Variants in PTBP1 observed in about 807,000 individuals in gnomAD.
PTBP1 encodes polypyrimidine tract binding protein 1.
A neutral mutation model predicts 59.8 loss-of-function variants in PTBP1; 8 were observed. The observed-to-expected ratio is 0.13, with a 90% confidence interval of 0.08 to 0.24. The LOEUF is 0.24. PTBP1 is among the 10% of genes least tolerant of loss of function. The pLI is 1.00. For synonymous variants in PTBP1, 490 were observed against 320.7 expected (o/e 1.53, Z -5.64); for missense variants, 686 against 767.0 (o/e 0.89, Z 1.25).
At chr19:806,617 G>C (rs1030844741) in intron 10 of PTBP1, 61 bp downstream of exon 10, 17 of 1,417,386 alleles carry the variant, frequency 1.2e-5, no homozygotes, top group Non-Finnish European at 1.5e-5. Context: ...GGGATGTTGT[G>C]CTCGGGCTCG....
chr19:801,281 C>G (rs2034321589), intron 2 of PTBP1, among the ~76,000 whole-genome samples: 1 of 152,250 alleles, frequency 6.6e-6, no homozygotes, highest in South Asian at 2.1e-4. Context: ...CAGCTCGTGT[C>G]TCCTGGTTGC....
At chr19:801,387 T>G (rs963842511) in intron 2 of PTBP1, among the ~76,000 whole-genome samples, 7 of 152,206 alleles carry the variant, frequency 4.6e-5, no homozygotes, top group African/African-American at 1.7e-4. Flanking sequence ...TGGGCAGGCA[T>G]GGAGTTTGCT....
chr19:810,992 T>C lies in PTBP1; in HGVS notation c.*166T>C. On this transcript the variant is annotated 3_prime_UTR_variant, in exon 15 of 15. Coordinates refer to ENST00000356948, the MANE Select transcript of PTBP1 (RefSeq NM_002819.5). ...AAAAATTAAATCTAGTTCACCTTGC[T>C]CACCCTGCGGTGACAGGGACAGCTC... is the stretch of plus-strand genomic sequence containing the variant. 1.4e-6 allele frequency: 1 copy of C among 726,592 alleles called. No individual in the cohort carries two copies. The allele number at this position is 726,592 out of a possible 1,614,324, so 45.0% of individuals were successfully genotyped here.
chr19:803,961 TA>T (rs1399118411), intron 3 of PTBP1, 74 bp from the exon 4 acceptor site: 36 of 1,568,380 alleles, frequency 2.3e-5, no homozygotes, highest in Non-Finnish European at 3.0e-5. Flanking sequence ...GGCAGGGCTC[TA>T]GGGGGATAGC....
chr19:805,317 C>G, intron 8 of PTBP1, 130 bp downstream of exon 8: 1 of 1,230,902 alleles, frequency 8.1e-7, no homozygotes, highest in South Asian at 1.4e-5. Flanking sequence ...ACGGCCAGCA[C>G]AGCACGGTCC....
intron 2 of PTBP1, 32 bp downstream of exon 2, chr19:799,475 G>C (rs372960507): frequency 1.2e-6 from 2 of 1,611,840 alleles, no homozygotes; most frequent in African/African-American, 2.7e-5. Flanking sequence ...TCTCCGTGAC[G>C]CTCCTCTGAC....
At chr19:806,373 G>C in intron 9 of PTBP1, 35 bp from the exon 10 acceptor site, 2 of 1,573,694 alleles carry the variant, frequency 1.3e-6, no homozygotes, top group Non-Finnish European at 8.6e-7. Flanking sequence ...TGGAGTCGGG[G>C]GCGCCGCCGC....
chr19:808,253 C>T lies in PTBP1; in HGVS notation c.1154-107C>T. ...TCCGCAGTGGCCGATAAAGCAAACC[C>T]GGCCGGGCTGAGCCGGGCCTTGTGG... On this transcript the variant is annotated intron_variant, in intron 11 of 14. Transcript: ENST00000356948. This position sits in a 1 kb window ranked among gnomAD's most constrained non-coding sequence, Gnocchi z 4.7. The T allele has an allele frequency of 3.1e-6, 3 of 971,602 alleles. No homozygotes were observed. Among genetic ancestry groups the T allele is most frequent in the South Asian group, 1.5e-5 (1 of 68,106 alleles). 60.2% of individuals were successfully genotyped at this position (971,602 alleles called of 1,614,324 possible).
chr19:810,498 C>G (rs748600384), intron 13 of PTBP1, 45 bp from the exon 14 acceptor site: 2 of 1,566,680 alleles, frequency 1.3e-6, no homozygotes, highest in Non-Finnish European at 1.7e-6. Flanking sequence ...ACTGGGCGCC[C>G]CCACCCCCAC....
intron 2 of PTBP1, among the ~76,000 whole-genome samples, chr19:802,200 G>C (rs2034363692): frequency 6.6e-6 from 1 of 152,210 alleles, no homozygotes; most frequent in South Asian, 2.1e-4. Context: ...GCAGGTGCCG[G>C]AGTCTCCCGA....
At chr19:800,097 T>C (rs1022284170) in intron 2 of PTBP1, among the ~76,000 whole-genome samples, 1 of 92,082 alleles carries the variant, frequency 1.1e-5, no homozygotes, top group Non-Finnish European at 2.1e-5. Flanking sequence ...CAGCTAATTT[T>C]TGTATTTTTT....
chr19:804,672 C>T lies in PTBP1; in HGVS notation c.576C>T (p.Phe192=). 1 of 1,613,110 alleles carries T rather than the reference C, an allele frequency of 6.2e-7. No individual in the cohort carries two copies. The highest frequency in any genetic ancestry group is 8.5e-7 in the Non-Finnish European group (1 of 1,179,732). The change falls in exon 6 of 15, where the codon TTC becomes TTT. Residue 192 remains phenylalanine, a synonymous_variant. Transcript: ENST00000356948. ...TCAGGATCATCGTGGAGAACCTCTTCTACCCTGTGACCCTGGATGTGCTGC... is the reference window on the plus strand; with the variant it reads ...TCAGGATCATCGTGGAGAACCTCTTTTACCCTGTGACCCTGGATGTGCTGC... ...PVLRIIVENL[F]YPVTLDVLHQ...
Position 808,795 on chromosome 19 carries a change from G to T in PTBP1, c.1463+33G>T. 1 of 1,583,690 alleles carries T rather than the reference G, an allele frequency of 6.3e-7. No individual in the cohort carries two copies. Among genetic ancestry groups the T allele is most frequent in the Non-Finnish European group, 8.6e-7 (1 of 1,163,218 alleles). On this transcript the variant is annotated intron_variant, in intron 13 of 14. Transcript: ENST00000356948. The surrounding 1 kb of genome is among the most constrained non-coding windows in gnomAD (Gnocchi z 4.7). ...CTGGGCCGGGGGGCTCATGGGGCCG[G>T]GGGCGGGCAAGGGCTCTGCTTGGCT...
chr19:805,013 T>G lies in PTBP1; in HGVS notation c.718T>G (p.Ser240Ala). The G allele has an allele frequency of 6.2e-7, 1 of 1,613,458 alleles. No homozygotes were observed. The highest frequency in any genetic ancestry group is 8.5e-7 in the Non-Finnish European group (1 of 1,179,634). ...CGTCTCACGGTCCCTCTCCCCTCAG[T>G]CGCTGGACGGGCAGAACATCTACAA... ...DPVSAQHAKL[S>A]LDGQNIYNAC... is the part of the protein sequence containing the mutation. Residue 240 changes from serine to alanine, a missense_variant and splice_region_variant, in exon 8 of 15, where the codon TCG (serine) becomes GCG (alanine). Coordinates refer to ENST00000356948, the MANE Select transcript of PTBP1 (RefSeq NM_002819.5).
intron 2 of PTBP1, among the ~76,000 whole-genome samples, chr19:801,300 G>A (rs971140233): frequency 2.6e-5 from 4 of 152,240 alleles, no homozygotes; most frequent in Non-Finnish European, 5.9e-5. Context: ...GCTGCCCTGT[G>A]GAGCCTCGGA....
intron 2 of PTBP1, among the ~76,000 whole-genome samples, chr19:799,761 G>A (rs962965641): frequency 6.6e-6 from 1 of 152,198 alleles, no homozygotes; most frequent in Non-Finnish European, 1.5e-5. Context: ...GGCTGGAATC[G>A]TGCCGTTCAG....
Position 810,914 on chromosome 19 carries a change from A to G in PTBP1, c.*88A>G. On this transcript the variant is annotated 3_prime_UTR_variant, in exon 15 of 15. Coordinates refer to ENST00000356948, the MANE Select transcript of PTBP1 (RefSeq NM_002819.5). ...CTTTAAAAACAGCTGAAGTGACCTTAGCAGACCAGAGATTTTATTTTTTTA... is the reference window on the plus strand; with the variant it reads ...CTTTAAAAACAGCTGAAGTGACCTTGGCAGACCAGAGATTTTATTTTTTTA... The G allele has an allele frequency of 8.1e-7, 1 of 1,241,640 alleles. No individual in the cohort carries two copies. The highest frequency in any genetic ancestry group is 1.1e-6 in the Non-Finnish European group (1 of 924,414). The allele number at this position is 1,241,640 out of a possible 1,614,324, so 76.9% of individuals were successfully genotyped here. A position where few individuals can be genotyped will look rare whatever the true frequency, so the allele number is the denominator to read the frequency against.
chr19:799,249 T>C, intron 1 of PTBP1, 164 bp from the exon 2 acceptor site: 3 of 764,946 alleles, frequency 3.9e-6, no homozygotes, highest in Non-Finnish European at 7.1e-6. Context: ...CTCACTTCCC[T>C]GCCCTTCTGA....
intron 1 of PTBP1, among the ~76,000 whole-genome samples, 154 bp downstream of exon 1, chr19:797,659 G>A (rs2034129504): frequency 6.7e-6 from 1 of 149,634 alleles, no homozygotes; most frequent in Non-Finnish European, 1.5e-5. Flanking sequence ...GGGCGCGGGT[G>A]CGGGGCGGGT....
Sources: allele counts gnomAD v4.1 joint callset (sites outside exome capture counted in the v4.1 genomes callset), GRCh38; gene constraint gnomAD v4.1.1; non-coding constraint Gnocchi (gnomAD v3.1); transcripts MANE v1.5; gene names NCBI Gene and HGNC (gene_info 2026-07-23, HGNC 2026-07-21).